DNAI3: variants seen among roughly 807,000 people sequenced by gnomAD.
DNAI3 encodes WD repeat domain 63.
Under a neutral mutation model 115.5 loss-of-function variants are expected in DNAI3, and 83 were observed. The observed-to-expected ratio is 0.72, with a 90% CI of 0.60 to 0.86. DNAI3 has a LOEUF of 0.86. Ranked by LOEUF, DNAI3 falls within the 40% of genes least tolerant of loss-of-function variation. The pLI, the probability that DNAI3 is intolerant of heterozygous loss-of-function variation, is 0.00. For missense variants in DNAI3, 1,004 were observed against 1,075.8 expected (o/e 0.93, Z 0.93); for synonymous variants, 320 against 347.0 (o/e 0.92, Z 0.86).
intron 5 of DNAI3, among the ~76,000 whole-genome samples, 170 bp downstream of exon 5, chr1:85,082,574 A>G (rs1654666722): frequency 6.6e-6 from 1 of 152,072 alleles, no homozygotes; most frequent in South Asian, 2.1e-4. Context: ...CCCCCCAAGT[A>G]GCTGAGACTA....
In DNAI3 at chr1:85,069,626, T is replaced by A. The variant is rs568420728; in HGVS notation, c.-14-2302T>A. Among the ~76,000 whole-genome samples the A allele has an allele frequency of 7.2e-5, 11 of 152,140 alleles. No individual in the cohort carries two copies. In the South Asian group the frequency reaches 2.3e-3, roughly 32 times the overall value. ...TGATCTCGAACTCCTGACCTCGCGA[T>A]CCACCCACCTCGGCCTCCCAAAATG... On this transcript the variant is annotated intron_variant, in intron 1 of 22. Coordinates refer to ENST00000294664, the MANE Select transcript of DNAI3 (RefSeq NM_145172.5).
chr1:85,132,727 G>T, intron 22 of DNAI3, 128 bp from the exon 23 acceptor site: 3 of 1,170,618 alleles, frequency 2.6e-6, no homozygotes, highest in Non-Finnish European at 2.3e-6. Context: ...CTGCCTTCCT[G>T]CCCTCCATCC....
intron 1 of DNAI3, among the ~76,000 whole-genome samples, chr1:85,064,206 G>T (rs915952803): frequency 2.6e-5 from 4 of 152,180 alleles, no homozygotes; most frequent in Admixed American, 2.6e-4. Context: ...AACAGGGTTG[G>T]AGCTCCAGTT....
Position 85,071,910 on chromosome 1 carries a change from T to A in DNAI3, c.-14-18T>A, listed in dbSNP as rs1654288149. On this transcript the variant is annotated intron_variant, in intron 1 of 22. Transcript: ENST00000294664. ...GCAAATTGTAACAATTTACTAATAA[T>A]ATCATCTCTTTATGCAGCCCAAGTC... 2 of 1,592,242 alleles carry A rather than the reference T, an allele frequency of 1.3e-6. No homozygotes were observed. Among genetic ancestry groups the A allele is most frequent in the African/African-American group, 1.4e-5 (1 of 73,484 alleles).
chr1:85,108,816 G>A (rs1655571771), intron 15 of DNAI3, among the ~76,000 whole-genome samples: 1 of 152,004 alleles, frequency 6.6e-6, no homozygotes, highest in Non-Finnish European at 1.5e-5. Flanking sequence ...TTAGATCCAG[G>A]TAGAAATCAA....
At chr1:85,121,081 A>G (rs1464353353) in intron 17 of DNAI3, among the ~76,000 whole-genome samples, 1 of 152,138 alleles carries the variant, frequency 6.6e-6, no homozygotes, top group African/African-American at 2.4e-5. Flanking sequence ...CAGTTTTCTC[A>G]TCCATCCAAT....
chr1:85,127,309 A>G (rs927119043), intron 20 of DNAI3, among the ~76,000 whole-genome samples: 10 of 152,232 alleles, frequency 6.6e-5, no homozygotes, highest in African/African-American at 1.9e-4. Context: ...CATAAATTCA[A>G]TGATGTGTCT....
chr1:85,126,534 C>T lies in DNAI3; in HGVS notation c.2136C>T (p.Cys712=). Residue 712 remains cysteine, a synonymous_variant, in exon 20 of 23, where the codon TGC becomes TGT. Coordinates refer to ENST00000294664, the MANE Select transcript of DNAI3 (RefSeq NM_145172.5). Reference sequence around the variant, plus strand: ...AGACTGGACCGCTCCTTCAGTCATGCTGTGCACCAAAAAGGTACACCTCAG... The same window carrying T: ...AGACTGGACCGCTCCTTCAGTCATGTTGTGCACCAAAAAGGTACACCTCAG... ...GVMTGPLLQS[C]CAPKRYTSGH... is the part of the protein sequence containing the mutation. 1 of 1,614,080 alleles carries T rather than the reference C, an allele frequency of 6.2e-7. No homozygotes were observed. Among genetic ancestry groups the T allele is most frequent in the Non-Finnish European group, 8.5e-7 (1 of 1,179,978 alleles).
intron 22 of DNAI3, among the ~76,000 whole-genome samples, chr1:85,130,618 A>G (rs1656282153): frequency 6.6e-6 from 1 of 152,180 alleles, no homozygotes; most frequent in African/African-American, 2.4e-5. Flanking sequence ...ATAGACTTTC[A>G]GTAAATAGTG....
In DNAI3 at chr1:85,098,516, T is replaced by G. The variant is rs200947090; in HGVS notation, c.1351-14T>G. 56 of 1,606,262 alleles carry G rather than the reference T, an allele frequency of 3.5e-5. 1 individual carries two copies. The African/African-American group carries it at 7.4e-4, about 21-fold the overall frequency. ...TCTGAAATTAGCACTTAACTTTCTTTTAATATTTTTCAGCCTATGTTTCTC... is the reference window on the plus strand; with the variant it reads ...TCTGAAATTAGCACTTAACTTTCTTGTAATATTTTTCAGCCTATGTTTCTC... On this transcript the variant is annotated splice_polypyrimidine_tract_variant and intron_variant, in intron 12 of 22. Coordinates refer to ENST00000294664, the MANE Select transcript of DNAI3 (RefSeq NM_145172.5).
chr1:85,109,901 A>T, intron 15 of DNAI3, 147 bp from the exon 16 acceptor site: 1 of 682,258 alleles, frequency 1.5e-6, no homozygotes, highest in South Asian at 2.0e-5. Context: ...GAAAGAAACT[A>T]GAAATTTGAG....
Position 85,081,297 on chromosome 1 carries a change from T to A in DNAI3, c.167T>A (p.Ile56Lys). Reference sequence around the variant, plus strand: ...ACCCAAGAAATATTTAACTGCCGAATAGATGAAGATGTCACAGATGAACAA... The same window carrying A: ...ACCCAAGAAATATTTAACTGCCGAAAAGATGAAGATGTCACAGATGAACAA... ...TKTQEIFNCR[I>K]DEDVTDEQPY... Residue 56 changes from isoleucine to lysine, a missense_variant, in exon 4 of 23, where the codon ATA becomes AAA. Physicochemically the swap from Ile to Lys is moderately radical, Grantham distance 102 (BLOSUM62 -3). This residue lies in a region of DNAI3 where 550 missense variants were observed against 568.1 expected (regional missense o/e 0.97). Coordinates refer to ENST00000294664, the MANE Select transcript of DNAI3 (RefSeq NM_145172.5). 6.2e-7 allele frequency: 1 copy of A among 1,605,744 alleles called. No individual in the cohort carries two copies. The highest frequency in any genetic ancestry group is 1.1e-5 in the South Asian group (1 of 89,406).
chr1:85,086,632 T>A (rs577111001), intron 7 of DNAI3, among the ~76,000 whole-genome samples: 3 of 152,168 alleles, frequency 2.0e-5, no homozygotes, highest in South Asian at 2.1e-4. Context: ...CTTCCTCCTC[T>A]CAGTAAGTGG....
chr1:85,087,150 C>A (rs1334386646), intron 7 of DNAI3, among the ~76,000 whole-genome samples: 2 of 152,082 alleles, frequency 1.3e-5, no homozygotes, highest in African/African-American at 4.8e-5. Context: ...ATAAAAGCAA[C>A]AACTTGGCCG....
chr1:85,126,396 T>G, intron 19 of DNAI3, 115 bp from the exon 20 acceptor site: 2 of 1,082,954 alleles, frequency 1.8e-6, no homozygotes, highest in Non-Finnish European at 2.6e-6. Context: ...TGGGCATAAT[T>G]TTGTTGTTAT....
intron 22 of DNAI3, 78 bp from the exon 23 acceptor site, chr1:85,132,776 CA>C: frequency 6.5e-7 from 1 of 1,534,314 alleles, no homozygotes; most frequent in Non-Finnish European, 8.8e-7. Flanking sequence ...CAACTATTCA[CA>C]AACAGCCCCT....
rs10573039 is a variant in DNAI3, at chr1:85,062,804, T to TAATG, written c.-15+351_-15+354dup. On this transcript the variant is annotated intron_variant, in intron 1 of 22. Transcript: ENST00000294664. Reference sequence around the variant, plus strand: ...CTCAATAAACCATGAATGAGTCAGTTAATGAATGAATGAATGAATGAATGA... The same window carrying TAATG: ...CTCAATAAACCATGAATGAGTCAGTTAATGAATGAATGAATGAATGAATGAATGA... 6.4e-3 allele frequency among the ~76,000 whole-genome samples: 966 copies of TAATG among 150,782 alleles called. 3 individuals are homozygous for TAATG. Among genetic ancestry groups the TAATG allele is most frequent in the Middle Eastern group, 0.014 (4 of 292 alleles).
At chr1:85,119,336 C>T (rs1655921557) in intron 17 of DNAI3, among the ~76,000 whole-genome samples, 1 of 152,234 alleles carries the variant, frequency 6.6e-6, no homozygotes, top group African/African-American at 2.4e-5. Flanking sequence ...CTAACTCCCT[C>T]TTCCTTTCTT....
intron 17 of DNAI3, among the ~76,000 whole-genome samples, chr1:85,119,141 T>C (rs1655916145): frequency 6.6e-6 from 1 of 152,232 alleles, no homozygotes; most frequent in African/African-American, 2.4e-5. Context: ...TGGTAAAATA[T>C]ATGTAACATA....
Sources: gnomAD v4.1 joint callset for allele counts (sites outside exome capture counted in the v4.1 genomes callset) on GRCh38, gnomAD v4.1.1 for gene constraint, gnomAD v4.1.1 regional missense constraint, MANE v1.5 for transcripts, NCBI Gene and HGNC (gene_info 2026-07-23, HGNC 2026-07-21) for gene names.